TRPC3: variants seen among roughly 807,000 people sequenced by gnomAD.
The protein encoded by TRPC3 is short transient receptor potential channel 3.
TRPC3 carries 54 observed loss-of-function variants against 90.9 expected under a neutral mutation model. The ratio of observed to expected loss-of-function variants is 0.59; its 90% CI spans 0.48 to 0.75. TRPC3 has a LOEUF of 0.75. Ranked by LOEUF, TRPC3 falls within the 30% of genes least tolerant of loss-of-function variation. The probability of loss-of-function intolerance (pLI) is 0.00; values close to 1 mark genes in which losing one functional copy is unlikely to be tolerated. For synonymous variants in TRPC3, 424 were observed against 450.9 expected, an observed-to-expected ratio of 0.94 and a Z score of 0.75; for missense variants, 918 against 1,194.5, an observed-to-expected ratio of 0.77 and a Z score of 3.41.
At chr4:121,902,217 A>T (rs1455027851) in intron 9 of TRPC3, among the ~76,000 whole-genome samples, 1 of 152,112 alleles carries the variant, frequency 6.6e-6, no homozygotes, top group Non-Finnish European at 1.5e-5. Context: ...ATTTAGGTTC[A>T]CTCACATCCT....
At chr4:121,915,372 G>A (rs772524161) in intron 3 of TRPC3, among the ~76,000 whole-genome samples, 6 of 152,178 alleles carry the variant, frequency 3.9e-5, no homozygotes, top group Non-Finnish European at 8.8e-5. Flanking sequence ...AAAGAGAAAT[G>A]TGTGAAGTTT....
At chr4:121,887,860 C>T (rs962788621) in intron 10 of TRPC3, among the ~76,000 whole-genome samples, 1 of 151,926 alleles carries the variant, frequency 6.6e-6, no homozygotes, top group Non-Finnish European at 1.5e-5. Flanking sequence ...TAATCATGGC[C>T]ATCCTCCTGA....
At chr4:121,930,673 A>T (rs1729873676) in intron 2 of TRPC3, 1 of 268,714 alleles carries the variant, frequency 3.7e-6, no homozygotes, top group African/African-American at 2.3e-5. Context: ...TAAAAACAAG[A>T]TTTGTGTGGC....
intron 5 of TRPC3, among the ~76,000 whole-genome samples, chr4:121,911,314 T>C (rs1309642119): frequency 6.6e-6 from 1 of 152,200 alleles, no homozygotes; most frequent in African/African-American, 2.4e-5. Context: ...TAAATTCTTT[T>C]CCTCACATTA....
intron 1 of TRPC3, among the ~76,000 whole-genome samples, chr4:121,947,683 G>C (rs995148058): frequency 6.6e-6 from 1 of 151,834 alleles, no homozygotes; most frequent in Non-Finnish European, 1.5e-5. Context: ...AAAGAGGAGC[G>C]ATTTAAGTGA....
At chr4:121,927,089 TAGA>T (rs753645225) in intron 2 of TRPC3, among the ~76,000 whole-genome samples, 8 of 152,214 alleles carry the variant, frequency 5.3e-5, no homozygotes, top group Admixed American at 2.0e-4. Context: ...CCTGCAGAAC[TAGA>T]AGAAGAGAAA....
At chr4:121,883,048 A>C (rs1433551410) in intron 10 of TRPC3, among the ~76,000 whole-genome samples, 3 of 152,070 alleles carry the variant, frequency 2.0e-5, no homozygotes, top group Non-Finnish European at 2.9e-5. Flanking sequence ...GACTATTTTC[A>C]GTCTAAATAA....
At chr4:121,926,170 AGGCCAT>A (rs1729702639) in intron 2 of TRPC3, among the ~76,000 whole-genome samples, 1 of 152,230 alleles carries the variant, frequency 6.6e-6, no homozygotes, top group South Asian at 2.1e-4. Flanking sequence ...CCTTGCATAA[AGGCCAT>A]GGCAACCTTA....
At chr4:121,946,740 G>T (rs928126934) in intron 1 of TRPC3, among the ~76,000 whole-genome samples, 2 of 152,314 alleles carry the variant, frequency 1.3e-5, no homozygotes. Flanking sequence ...GCTTGCTGTT[G>T]TTCGTAGACG....
chr4:121,943,581 A>C (rs1442582955), intron 1 of TRPC3, among the ~76,000 whole-genome samples: 1 of 152,172 alleles, frequency 6.6e-6, no homozygotes, highest in Non-Finnish European at 1.5e-5. Context: ...CAGGAAGACT[A>C]GTGACAATGA....
intron 1 of TRPC3, chr4:121,950,759 C>T (rs1235565838): frequency 6.6e-6 from 1 of 152,328 alleles, no homozygotes; most frequent in Non-Finnish European, 1.5e-5. Flanking sequence ...GAACCGCAGT[C>T]AAAGTTATCA....
At position 121,878,578 on chromosome 4, in the gene TRPC3, A is replaced by G. The variant is rs1273591063; in HGVS notation, c.*1158T>C. Among the ~76,000 whole-genome samples the G allele has an allele frequency of 6.6e-6, 1 of 152,226 alleles. No individual in the cohort carries two copies. Among genetic ancestry groups the G allele is most frequent in the Non-Finnish European group, 1.5e-5 (1 of 68,036 alleles). On this transcript the variant is annotated 3_prime_UTR_variant, in exon 12 of 12. Transcript: ENST00000379645. Reference sequence around the variant, plus strand: ...CTGGTCTGCATGCCTTTTCCCATTAAAGTCAAGAGGCATTGCGGATATTAC... The same window carrying G: ...CTGGTCTGCATGCCTTTTCCCATTAGAGTCAAGAGGCATTGCGGATATTAC...
At chr4:121,902,690 T>A (rs1728743148) in intron 9 of TRPC3, among the ~76,000 whole-genome samples, 162 bp downstream of exon 9, 1 of 152,158 alleles carries the variant, frequency 6.6e-6, no homozygotes, top group African/African-American at 2.4e-5. Flanking sequence ...TCTTGAAACA[T>A]CATGAAAATA....
chr4:121,887,989 C>T (rs1283734052), intron 10 of TRPC3, among the ~76,000 whole-genome samples: 1 of 137,414 alleles, frequency 7.3e-6, no homozygotes, highest in Non-Finnish European at 1.6e-5. Context: ...TTGATCAAAA[C>T]ATTTTTGGTA....
At chr4:121,915,028 T>G in intron 3 of TRPC3, 84 bp from the exon 4 acceptor site, 8 of 1,210,964 alleles carry the variant, frequency 6.6e-6, no homozygotes, top group Non-Finnish European at 9.1e-6. Flanking sequence ...TAAATACACA[T>G]GCATCCTAAA....
In TRPC3 at chr4:121,897,379, A is replaced by G. The variant is rs139939274; in HGVS notation, c.2547+2233T>C. 4.7e-3 allele frequency among the ~76,000 whole-genome samples: 706 copies of G among 149,976 alleles called. 2 individuals carry two copies. The highest frequency in any genetic ancestry group is 8.4e-3 in the Admixed American group (125 of 14,928). On this transcript the variant is annotated intron_variant, in intron 10 of 11. Coordinates refer to ENST00000379645, the MANE Select transcript of TRPC3 (RefSeq NM_001130698.2). ...GAAAAGACAGCCTACAAAATTGGAG[A>G]AAATATTTGCAAATTGCTCATCCAA...
intron 3 of TRPC3, among the ~76,000 whole-genome samples, chr4:121,919,503 GCT>G (rs893203253): frequency 1.3e-5 from 2 of 152,152 alleles, no homozygotes; most frequent in Admixed American, 1.3e-4. Flanking sequence ...AGTGCAAAAT[GCT>G]CTGTTATCTC....
In TRPC3 at chr4:121,875,670, G is replaced by T. The variant is rs910358143; in HGVS notation, c.*4066C>A. 1.7e-4 allele frequency among the ~76,000 whole-genome samples: 26 copies of T among 151,334 alleles called. No homozygotes were observed. The highest frequency in any genetic ancestry group is 6.1e-4 in the African/African-American group (25 of 41,322). ...CAGTAATTTATAACCTTATGTTATG[G>T]TGCTAAAGCAACCATTATGAGTATA... On this transcript the variant is annotated 3_prime_UTR_variant, in exon 12 of 12. Transcript: ENST00000379645.
chr4:121,932,571 G>A lies in TRPC3; in HGVS notation c.687C>T (p.Arg229=). ...DFYAYDEDGT[R]FSPDITPIIL... is the part of the protein sequence containing the mutation. ...TGATGGGGGTGATGTCCGGCGAGAA[G>A]CGCGTGCCGTCCTCGTCGTAAGCGT... The change falls in exon 2 of 12, where the codon CGC becomes CGT. Residue 229 remains arginine (R), a synonymous_variant. Transcript: ENST00000379645. This position sits in a 1 kb window ranked among gnomAD's most constrained non-coding sequence, Gnocchi z 7.7. 1 of 1,614,228 alleles carries A rather than the reference G, an allele frequency of 6.2e-7. No homozygotes were observed. Among genetic ancestry groups the A allele is most frequent in the South Asian group, 1.1e-5 (1 of 91,090 alleles).
Sources: gnomAD v4.1 joint callset for allele counts (sites outside exome capture counted in the v4.1 genomes callset) on GRCh38, gnomAD v4.1.1 for gene constraint, Gnocchi (gnomAD v3.1) non-coding constraint, MANE v1.5 for transcripts, NCBI Gene and HGNC (gene_info 2026-07-23, HGNC 2026-07-21) for gene names.